ANKS1B: variants seen among roughly 807,000 people sequenced by gnomAD.
ANKS1B encodes the protein ankyrin repeat and sterile alpha motif domain-containing protein 1B.
Under a neutral mutation model 148.3 loss-of-function variants are expected in ANKS1B, and 36 were observed. The observed-to-expected ratio is 0.24, with a 90% CI of 0.19 to 0.32. The LOEUF is 0.32. Among genes scored for constraint, ANKS1B ranks in the 10% least tolerant of loss-of-function variants. The pLI, the probability that ANKS1B is intolerant of heterozygous loss-of-function variation, is 1.00. For synonymous variants in ANKS1B, 542 were observed against 560.8 expected (o/e 0.97, Z 0.47); for missense variants, 1,157 against 1,542.6 (o/e 0.75, Z 4.19).
At chr12:99,434,819 A>G (rs2095433320) in intron 11 of ANKS1B, among the ~76,000 whole-genome samples, 1 of 152,030 alleles carries the variant, frequency 6.6e-6, no homozygotes, top group South Asian at 2.1e-4. Context: ...CTAGGGGAAA[A>G]AGCTGAGCCA....
intron 4 of ANKS1B, among the ~76,000 whole-genome samples, chr12:99,795,057 T>C (rs1331212052): frequency 2.6e-5 from 4 of 151,614 alleles, no homozygotes; most frequent in African/African-American, 9.7e-5. Flanking sequence ...ATGGAAAATA[T>C]GAAAGATAGA....
chr12:99,586,777 C>T (rs926673457), intron 9 of ANKS1B, among the ~76,000 whole-genome samples: 2 of 152,128 alleles, frequency 1.3e-5, no homozygotes, highest in African/African-American at 2.4e-5. Flanking sequence ...TCATGTCTTA[C>T]GTGGTTGCAG....
intron 8 of ANKS1B, among the ~76,000 whole-genome samples, chr12:99,711,956 A>G (rs2056696009): frequency 6.6e-6 from 1 of 152,220 alleles, no homozygotes; most frequent in Non-Finnish European, 1.5e-5. Context: ...AATGCCCATC[A>G]ATGATAGACT....
In ANKS1B at chr12:99,732,522, T is replaced by C. The variant is rs80316193; in HGVS notation, c.1128+40400A>G. 7.9e-4 allele frequency among the ~76,000 whole-genome samples: 121 copies of C among 152,250 alleles called. 2 individuals carry two copies. In the East Asian group the frequency reaches 0.019, roughly 23 times the overall value. ...AAAAGACTGTATGATTCTATTTGTA[T>C]GAAATTCTAGAAAAAAAAATTATAG... On this transcript the variant is annotated intron_variant, in intron 8 of 26. Coordinates refer to ENST00000683438, the MANE Select transcript of ANKS1B (RefSeq NM_001352186.2).
chr12:99,512,471 A>G (rs1209419871), intron 9 of ANKS1B, among the ~76,000 whole-genome samples: 2 of 152,100 alleles, frequency 1.3e-5, no homozygotes, highest in Non-Finnish European at 2.9e-5. Context: ...AATTAGTTCA[A>G]CCATTGTGGA....
intron 9 of ANKS1B, among the ~76,000 whole-genome samples, chr12:99,592,904 G>A (rs891704025): frequency 6.6e-6 from 1 of 152,060 alleles, no homozygotes; most frequent in Non-Finnish European, 1.5e-5. Flanking sequence ...GGAAATGGGG[G>A]GTGTTCCAAG....
chr12:99,356,065 G>A (rs537905429), intron 12 of ANKS1B, among the ~76,000 whole-genome samples: 33 of 152,072 alleles, frequency 2.2e-4, no homozygotes, highest in African/African-American at 7.7e-4. Flanking sequence ...GAATATTGAG[G>A]GATTGGTCAG....
intron 9 of ANKS1B, among the ~76,000 whole-genome samples, chr12:99,515,008 T>TA (rs36077584): frequency 0.026 from 3,749 of 144,082 alleles, 52 homozygotes; most frequent in Middle Eastern, 0.046. Context: ...CTCTATCATT[T>TA]AAAAAAAAAA....
At chr12:99,690,992 G>A (rs1203482197) in intron 8 of ANKS1B, among the ~76,000 whole-genome samples, 2 of 152,194 alleles carry the variant, frequency 1.3e-5, no homozygotes, top group Non-Finnish European at 2.9e-5. Flanking sequence ...TGAAATCTAT[G>A]CAGAGATTCT....
chr12:99,728,444 A>C (rs1400515600), intron 8 of ANKS1B, among the ~76,000 whole-genome samples: 1 of 152,242 alleles, frequency 6.6e-6, no homozygotes, highest in Non-Finnish European at 1.5e-5. Flanking sequence ...CATGCCAGTC[A>C]GAATGGTAAT....
At chr12:99,739,036 T>C (rs2059855388) in intron 8 of ANKS1B, among the ~76,000 whole-genome samples, 1 of 152,052 alleles carries the variant, frequency 6.6e-6, no homozygotes, top group Non-Finnish European at 1.5e-5. Context: ...AGGCAAAGGT[T>C]AGGAATTACT....
At chr12:99,034,408 T>C (rs1174983790) in intron 17 of ANKS1B, among the ~76,000 whole-genome samples, 2 of 152,168 alleles carry the variant, frequency 1.3e-5, no homozygotes, top group Admixed American at 6.5e-5. Flanking sequence ...CCTGATCTCC[T>C]GGGCTTAAGC....
chr12:99,527,101 A>G (rs2096934099), intron 9 of ANKS1B, among the ~76,000 whole-genome samples: 5 of 152,164 alleles, frequency 3.3e-5, no homozygotes, highest in Admixed American at 3.3e-4. Context: ...CTGACACCTT[A>G]ATTTTGAACT....
At chr12:98,848,239 C>T (rs1031136052) in intron 17 of ANKS1B, among the ~76,000 whole-genome samples, 2 of 152,134 alleles carry the variant, frequency 1.3e-5, no homozygotes, top group African/African-American at 4.8e-5. Context: ...CATTCACACA[C>T]AGTGAGGAAT....
At chr12:99,702,457 G>T (rs1295445720) in intron 8 of ANKS1B, among the ~76,000 whole-genome samples, 3 of 152,040 alleles carry the variant, frequency 2.0e-5, no homozygotes, top group African/African-American at 7.2e-5. Flanking sequence ...TGTTATAGGG[G>T]TTGTCTGCAA....
At chr12:99,477,030 A>G (rs552114453) in intron 10 of ANKS1B, among the ~76,000 whole-genome samples, 30 of 152,290 alleles carry the variant, frequency 2.0e-4, no homozygotes, top group African/African-American at 7.0e-4. Flanking sequence ...CACGGAACAC[A>G]AAGTGCTCCA....
intron 12 of ANKS1B, among the ~76,000 whole-genome samples, chr12:99,252,442 T>A (rs1032259926): frequency 3.3e-5 from 5 of 152,136 alleles, no homozygotes; most frequent in Non-Finnish European, 5.9e-5. Context: ...AGTAAAAGAA[T>A]AAAATGAGCA....
rs377735976 is a variant in ANKS1B, at chr12:98,992,985, C to T, written c.2778+60172G>A. On this transcript the variant is annotated intron_variant, in intron 17 of 26. Coordinates refer to ENST00000683438, the MANE Select transcript of ANKS1B (RefSeq NM_001352186.2). ...GGCTTTAAAGGCTATGAGGGAATGT[C>T]CCTCTTTGACTTGTTTTGAAGCCTT... is the stretch of plus-strand genomic sequence containing the variant. Among the ~76,000 whole-genome samples the T allele has an allele frequency of 4.9e-4, 74 of 152,204 alleles. No individual in the cohort carries two copies. The South Asian group carries it at 0.015, about 30-fold the overall frequency.
chr12:98,876,357 GT>G (rs1023410951), intron 17 of ANKS1B, among the ~76,000 whole-genome samples: 1 of 152,216 alleles, frequency 6.6e-6, no homozygotes, highest in African/African-American at 2.4e-5. Context: ...GTCATCTCAA[GT>G]ATGACCTTCT....
Sources: gnomAD v4.1 joint callset for allele counts (sites outside exome capture counted in the v4.1 genomes callset) on GRCh38, gnomAD v4.1.1 for gene constraint, MANE v1.5 for transcripts, NCBI Gene and HGNC (gene_info 2026-07-23, HGNC 2026-07-21) for gene names.